SLC26A7: variants seen among roughly 807,000 people sequenced by gnomAD.
The protein encoded by SLC26A7 is anion exchange transporter.
Under a neutral mutation model 82.5 loss-of-function variants are expected in SLC26A7, and 59 were observed. That is an observed-to-expected ratio of 0.72 (90% confidence interval 0.58 to 0.89). The LOEUF (loss-of-function observed/expected upper bound fraction) is 0.89, where lower values mean the gene tolerates loss of function less well. SLC26A7 is among the 40% of genes least tolerant of loss of function. SLC26A7 has a pLI of 0.00. For synonymous variants in SLC26A7, 271 were observed against 274.3 expected (o/e 0.99, Z 0.12); for missense variants, 820 against 793.0 (o/e 1.03, Z -0.41).
rs1266284600 is a variant in SLC26A7 at position 91,273,642 on chromosome 8, T to C, written c.194-15494T>C. Among the ~76,000 whole-genome samples, 3 of 152,298 alleles carry C rather than the reference T, an allele frequency of 2.0e-5. No homozygotes were observed. In the East Asian group the frequency reaches 5.8e-4, roughly 29 times the overall value. Reference sequence around the variant, plus strand: ...AAGAATATAACACTGGAAAATATGCTTAGTGACAAAATCAGATACAACCAA... The same window carrying C: ...AAGAATATAACACTGGAAAATATGCCTAGTGACAAAATCAGATACAACCAA... On this transcript the variant is annotated intron_variant, in intron 2 of 18. Transcript: ENST00000276609.
intron 2 of SLC26A7, among the ~76,000 whole-genome samples, chr8:91,232,279 A>G (rs1563636564): frequency 1.3e-5 from 2 of 152,206 alleles, no homozygotes; most frequent in Non-Finnish European, 2.9e-5. Flanking sequence ...TTCCCATAAT[A>G]TAGGGTCTGT....
intron 4 of SLC26A7, among the ~76,000 whole-genome samples, chr8:91,300,745 A>G (rs1472846913): frequency 2.6e-5 from 4 of 152,194 alleles, no homozygotes; most frequent in African/African-American, 7.2e-5. Flanking sequence ...TGATTTCTCT[A>G]ATCCAATTGC....
At chr8:91,353,026 CT>C in intron 11 of SLC26A7, 30 bp downstream of exon 11, 1 of 1,472,308 alleles carries the variant, frequency 6.8e-7, no homozygotes, top group Non-Finnish European at 9.4e-7. Flanking sequence ...AAAACAATCC[CT>C]TTTTAGCTTA....
At chr8:91,378,696 C>T (rs1476261687) in intron 15 of SLC26A7, among the ~76,000 whole-genome samples, 8 of 151,620 alleles carry the variant, frequency 5.3e-5, no homozygotes, top group Non-Finnish European at 1.2e-4. Context: ...CTGTCTCTCT[C>T]ATGACCATAC....
At chr8:91,327,469 A>G (rs958135952) in intron 5 of SLC26A7, among the ~76,000 whole-genome samples, 1 of 152,156 alleles carries the variant, frequency 6.6e-6, no homozygotes, top group Non-Finnish European at 1.5e-5. Context: ...ATTTTAATAT[A>G]TACTCTTTGA....
rs572729841 is a variant in SLC26A7 at position 91,374,091 on chromosome 8, T to C, written c.1675+4258T>C. 5.9e-5 allele frequency among the ~76,000 whole-genome samples: 9 copies of C among 152,120 alleles called. No individual in the cohort carries two copies. The South Asian group carries it at 1.2e-3, about 21-fold the overall frequency. ...GTGATGTCACCTTTACCATTTCTCA[T>C]TGTGCTTATTTGAATCTTCTCTCTT... On this transcript the variant is annotated intron_variant, in intron 15 of 18. Transcript: ENST00000276609.
chr8:91,368,780 A>C (rs1052291142), intron 14 of SLC26A7, among the ~76,000 whole-genome samples: 8 of 152,176 alleles, frequency 5.3e-5, no homozygotes, highest in Non-Finnish European at 1.0e-4. Context: ...AATATCTCTC[A>C]GGGGCCAGTC....
intron 2 of SLC26A7, among the ~76,000 whole-genome samples, chr8:91,278,487 G>A (rs888967804): frequency 2.3e-4 from 35 of 151,980 alleles, no homozygotes; most frequent in African/African-American, 8.2e-4. Context: ...TGTATACAGA[G>A]GTATCATAGA....
Position 91,257,595 on chromosome 8 carries a change from C to A in SLC26A7, c.193+7751C>A, listed in dbSNP as rs75520957. On this transcript the variant is annotated intron_variant, in intron 2 of 18. Transcript: ENST00000276609. ...AGCCTCAGACAGCATAGTTTCTTCT[C>A]ATTTAACACCATTTCTCAAAATAAA... Among the ~76,000 whole-genome samples, 759 of 152,078 alleles carry A rather than the reference C, an allele frequency of 5.0e-3. 11 individuals carry two copies. Among genetic ancestry groups the A allele is most frequent in the African/African-American group, 0.016 (683 of 41,496 alleles).
At chr8:91,363,368 T>C in intron 12 of SLC26A7, 104 bp from the exon 13 acceptor site, 1 of 632,360 alleles carries the variant, frequency 1.6e-6, no homozygotes, top group Non-Finnish European at 2.8e-6. Flanking sequence ...ATATAAATCA[T>C]CTCAGACACA....
At chr8:91,373,297 G>T (rs973254537) in intron 15 of SLC26A7, among the ~76,000 whole-genome samples, 1 of 151,998 alleles carries the variant, frequency 6.6e-6, no homozygotes, top group African/African-American at 2.4e-5. Context: ...TCCTTGTGTT[G>T]TTCCAGTTCT....
chr8:91,251,047 ATT>A lies in SLC26A7; in HGVS notation c.193+1212_193+1213del, dbSNP rs5893167. Among the ~76,000 whole-genome samples, 670 of 151,628 alleles carry A rather than the reference ATT, an allele frequency of 4.4e-3. 3 individuals are homozygous for A. The highest frequency in any genetic ancestry group is 9.9e-3 in the Admixed American group (151 of 15,186). On this transcript the variant is annotated intron_variant, in intron 2 of 18. Coordinates refer to ENST00000276609, the MANE Select transcript of SLC26A7 (RefSeq NM_052832.4). ...TGTACTTTGAAAACTTAAGTGATGA[ATT>A]TTTTTTTTAACCAGATAGTTTCAGC...
chr8:91,383,568 T>C (rs1013361292), intron 15 of SLC26A7, among the ~76,000 whole-genome samples: 1 of 152,198 alleles, frequency 6.6e-6, no homozygotes, highest in African/African-American at 2.4e-5. Flanking sequence ...TCAAAATATA[T>C]GAAGCAGGGT....
rs1808513597 is a variant in SLC26A7 at position 91,394,567 on chromosome 8, A to G, written c.1936-495A>G. ...GTTCTTAGAGCTTTAATTTCCTGCAATTTTTCCTTGAGTTTTGAATTGTTT... is the reference window on the plus strand; with the variant it reads ...GTTCTTAGAGCTTTAATTTCCTGCAGTTTTTCCTTGAGTTTTGAATTGTTT... On this transcript the variant is annotated intron_variant, in intron 18 of 18. Coordinates refer to ENST00000276609, the MANE Select transcript of SLC26A7 (RefSeq NM_052832.4). 5.0e-6 allele frequency: 6 copies of G among 1,211,904 alleles called. No homozygotes were observed. In the South Asian group the frequency reaches 8.0e-5, roughly 16 times the overall value. 75.1% of individuals were successfully genotyped at this position (1,211,904 alleles called of 1,614,324 possible).
intron 4 of SLC26A7, among the ~76,000 whole-genome samples, 199 bp downstream of exon 4, chr8:91,295,902 A>G (rs764999802): frequency 3.9e-5 from 6 of 152,246 alleles, no homozygotes; most frequent in Non-Finnish European, 7.3e-5. Flanking sequence ...GAATCAATAA[A>G]TTGAAGTTAC....
chr8:91,370,772 A>G (rs1366338868), intron 15 of SLC26A7, among the ~76,000 whole-genome samples: 1 of 152,012 alleles, frequency 6.6e-6, no homozygotes, highest in African/African-American at 2.4e-5. Context: ...TTGTATATTT[A>G]TCTTTTGATA....
In SLC26A7 at chr8:91,343,518, T is replaced by G. The variant is rs776794283; in HGVS notation, c.1140+52T>G. ...AGCACTGCTGGGCCTTCACTCCCATTCTAGGAGAGTGGGAAGAGCTAGCTT... is the reference window on the plus strand; with the variant it reads ...AGCACTGCTGGGCCTTCACTCCCATGCTAGGAGAGTGGGAAGAGCTAGCTT... On this transcript the variant is annotated intron_variant, in intron 9 of 18. Transcript: ENST00000276609. 11 of 1,252,144 alleles carry G rather than the reference T, an allele frequency of 8.8e-6. 1 individual carries two copies. In the South Asian group the frequency reaches 1.3e-4, roughly 15 times the overall value. 77.6% of individuals were successfully genotyped at this position (1,252,144 alleles called of 1,614,324 possible).
intron 5 of SLC26A7, among the ~76,000 whole-genome samples, chr8:91,329,965 C>A (rs1346280796): frequency 6.6e-6 from 1 of 152,060 alleles, no homozygotes; most frequent in Non-Finnish European, 1.5e-5. Context: ...TCATCCACAA[C>A]ATAGAGACAG....
chr8:91,358,878 C>A (rs919793036), intron 11 of SLC26A7, among the ~76,000 whole-genome samples: 2 of 151,922 alleles, frequency 1.3e-5, no homozygotes, highest in Non-Finnish European at 2.9e-5. Flanking sequence ...GGGAATTGAA[C>A]AATGAGAACA....
Sources: gnomAD v4.1 joint callset for allele counts (sites outside exome capture counted in the v4.1 genomes callset) on GRCh38, gnomAD v4.1.1 for gene constraint, MANE v1.5 for transcripts, NCBI Gene and HGNC (gene_info 2026-07-23, HGNC 2026-07-21) for gene names.